Variants in ELAVL2 observed in about 807,000 individuals in gnomAD.
The protein encoded by ELAVL2 is ELAV like RNA binding protein 2, also known as ELAV-like protein 2.
ELAVL2 carries 4 observed loss-of-function variants against 34.6 expected under a neutral mutation model. That is an observed-to-expected ratio of 0.12 (90% CI 0.06 to 0.26). The LOEUF is 0.26. Ranked by LOEUF, ELAVL2 falls within the 10% of genes least tolerant of loss-of-function variation. The pLI is 1.00. For synonymous variants in ELAVL2, 193 were observed against 154.8 expected (o/e 1.25, Z -1.83); for missense variants, 432 against 442.8 (o/e 0.98, Z 0.22).
intron 3 of ELAVL2, among the ~76,000 whole-genome samples, chr9:23,714,420 A>T (rs1268085113): frequency 6.6e-6 from 1 of 152,218 alleles, no homozygotes; most frequent in Non-Finnish European, 1.5e-5. Context: ...ATTTTGTAAG[A>T]TGACAGCAGA....
intron 2 of ELAVL2, among the ~76,000 whole-genome samples, chr9:23,748,327 A>T (rs1454849324): frequency 6.6e-6 from 1 of 152,186 alleles, no homozygotes; most frequent in Non-Finnish European, 1.5e-5. Flanking sequence ...GAAGTGAGGT[A>T]ACGAGAAGTA....
chr9:23,706,383 C>G (rs1208203537), intron 3 of ELAVL2, among the ~76,000 whole-genome samples: 2 of 152,138 alleles, frequency 1.3e-5, no homozygotes, highest in East Asian at 3.9e-4. Context: ...GTGAGTAAAG[C>G]CCATCCAATA....
chr9:23,749,121 T>C (rs550314330), intron 2 of ELAVL2, among the ~76,000 whole-genome samples: 6 of 152,246 alleles, frequency 3.9e-5, no homozygotes, highest in Admixed American at 3.3e-4. Flanking sequence ...TTGAAAAGGT[T>C]CAAATGATAA....
At chr9:23,713,503 A>G (rs990636711) in intron 3 of ELAVL2, among the ~76,000 whole-genome samples, 1 of 152,172 alleles carries the variant, frequency 6.6e-6, no homozygotes, top group Admixed American at 6.5e-5. Flanking sequence ...TGATTACACT[A>G]AAGTAGTATA....
chr9:23,820,812 C>G (rs1463788474), intron 1 of ELAVL2, among the ~76,000 whole-genome samples: 1 of 152,222 alleles, frequency 6.6e-6, no homozygotes, highest in Non-Finnish European at 1.5e-5. Flanking sequence ...GGCAAGCGAA[C>G]TGAAATCCCA....
chr9:23,763,746 G>A (rs1158822428), intron 1 of ELAVL2, among the ~76,000 whole-genome samples: 1 of 152,072 alleles, frequency 6.6e-6, no homozygotes, highest in East Asian at 1.9e-4. Flanking sequence ...TGGTCAGACT[G>A]AACAAGAATC....
At chr9:23,782,737 T>C (rs957378467) in intron 1 of ELAVL2, among the ~76,000 whole-genome samples, 3 of 152,234 alleles carry the variant, frequency 2.0e-5, no homozygotes, top group African/African-American at 7.2e-5. Context: ...CAAATACTTC[T>C]TGGTATATTC....
the ELAVL2 span, among the ~76,000 whole-genome samples, chr9:23,848,308 AT>A: frequency 6.6e-6 from 1 of 152,194 alleles, no homozygotes; most frequent in African/African-American, 2.4e-5. Flanking sequence ...CTCAACTGAA[AT>A]TCTTGCTAAT....
intron 2 of ELAVL2, among the ~76,000 whole-genome samples, chr9:23,738,322 G>A (rs1009487748): frequency 6.6e-6 from 1 of 152,214 alleles, no homozygotes; most frequent in South Asian, 2.1e-4. Flanking sequence ...GACTTAGCCT[G>A]AGTCTCCTCA....
intron 1 of ELAVL2, chr9:23,779,218 GGTAA>G (rs1203109897): frequency 2.0e-6 from 2 of 985,356 alleles, no homozygotes; most frequent in Middle Eastern, 5.2e-4. Context: ...GGAACTGAAG[GGTAA>G]ATAAGAGGTC....
chr9:23,720,853 T>C (rs963077809), intron 3 of ELAVL2, among the ~76,000 whole-genome samples: 15 of 152,206 alleles, frequency 9.9e-5, no homozygotes, highest in African/African-American at 2.9e-4. Flanking sequence ...GTGGTGGCTG[T>C]TGAAATACAA....
intron 3 of ELAVL2, among the ~76,000 whole-genome samples, chr9:23,718,052 A>G (rs534653743): frequency 2.0e-5 from 3 of 152,298 alleles, no homozygotes; most frequent in African/African-American, 7.2e-5. Flanking sequence ...CCTTTCCTAC[A>G]AACTTGGAGA....
At chr9:23,829,319 A>G (rs1230333937), upstream of ELAVL2, among the ~76,000 whole-genome samples, 1 of 152,220 alleles carries the variant, frequency 6.6e-6, no homozygotes, top group Non-Finnish European at 1.5e-5. Flanking sequence ...AAGAATATGC[A>G]AAGCTGTTGT....
At chr9:23,731,244 G>C (rs533726074) in intron 2 of ELAVL2, 119 bp from the exon 3 acceptor site, 2 of 706,180 alleles carry the variant, frequency 2.8e-6, no homozygotes, top group Non-Finnish European at 4.3e-6. Context: ...ACAGTAAAAA[G>C]AACTCTCTAT....
At position 23,692,626 on chromosome 9, in the gene ELAVL2, G is replaced by T; in HGVS notation, c.1011C>A (p.Leu337=). The change falls in exon 7 of 7, where the codon CTC becomes CTA. Residue 337 remains leucine, a synonymous_variant. Coordinates refer to ENST00000397312, the MANE Select transcript of ELAVL2 (RefSeq NM_004432.5). ...YDEAAMAIAS[L]NGYRLGDRVL... is the part of the protein sequence containing the mutation. ...CTCTGTCTCCCAGACGGTATCCATT[G>T]AGGCTAGCTATCGCCATGGCAGCCT... 1 of 1,614,170 alleles carries T rather than the reference G, an allele frequency of 6.2e-7. No homozygotes were observed. Among genetic ancestry groups the T allele is most frequent in the South Asian group, 1.1e-5 (1 of 91,088 alleles).
intron 1 of ELAVL2, among the ~76,000 whole-genome samples, chr9:23,778,000 T>C (rs955869179): frequency 6.6e-6 from 1 of 152,102 alleles, no homozygotes; most frequent in East Asian, 1.9e-4. Context: ...ACATTCTTCC[T>C]GATACAAAGT....
At chr9:23,836,879 A>G in the ELAVL2 span, among the ~76,000 whole-genome samples, 1 of 152,204 alleles carries the variant, frequency 6.6e-6, no homozygotes, top group African/African-American at 2.4e-5. Flanking sequence ...TATTAGAAAC[A>G]GGATACACCT....
At chr9:23,761,980 T>C (rs1413937892) in intron 2 of ELAVL2, 26 bp downstream of exon 2, 6 of 1,592,316 alleles carry the variant, frequency 3.8e-6, no homozygotes, top group Non-Finnish European at 4.3e-6. Flanking sequence ...CCGTTAAATA[T>C]AAATCATCTA....
chr9:23,731,546 C>CA (rs1369298471), intron 2 of ELAVL2, among the ~76,000 whole-genome samples: 1 of 152,164 alleles, frequency 6.6e-6, no homozygotes, highest in Non-Finnish European at 1.5e-5. Flanking sequence ...AAGAATCTGT[C>CA]AGTGTTCAGT....
Sources: gnomAD v4.1 joint callset for allele counts (sites outside exome capture counted in the v4.1 genomes callset) on GRCh38, gnomAD v4.1.1 for gene constraint, MANE v1.5 for transcripts, NCBI Gene and HGNC (gene_info 2026-07-23, HGNC 2026-07-21) for gene names.